Variants in TSHZ2 observed in about 807,000 individuals in gnomAD.
TSHZ2 encodes teashirt zinc finger homeobox 2.
A neutral mutation model predicts 74.4 loss-of-function variants in TSHZ2; 21 were observed. The ratio of observed to expected loss-of-function variants is 0.28; its 90% CI spans 0.20 to 0.41. The LOEUF (loss-of-function observed/expected upper bound fraction) is 0.41. Ranked by LOEUF, TSHZ2 falls within the 10% of genes least tolerant of loss-of-function variation. The probability of loss-of-function intolerance (pLI) is 1.00; values close to 1 mark genes in which losing one functional copy is unlikely to be tolerated. For missense variants in TSHZ2, 1,244 were observed against 1,293.5 expected (o/e 0.96, Z 0.59); for synonymous variants, 540 against 515.3 (o/e 1.05, Z -0.65).
At chr20:52,973,420 C>A in intron 1 of TSHZ2, 87 bp downstream of exon 1, 3 of 1,490,930 alleles carry the variant, frequency 2.0e-6, no homozygotes, top group Non-Finnish European at 2.7e-6. Context: ...GGGGGCACCA[C>A]CCACTTAAGC....
chr20:53,106,391 C>G (rs1196463256), intron 1 of TSHZ2, among the ~76,000 whole-genome samples: 1 of 58,938 alleles, frequency 1.7e-5, no homozygotes, highest in African/African-American at 7.0e-5. Context: ...CTCACACTTT[C>G]TTTTTTTTTT....
At chr20:53,092,691 G>A (rs965411777) in intron 1 of TSHZ2, among the ~76,000 whole-genome samples, 2 of 152,156 alleles carry the variant, frequency 1.3e-5, no homozygotes, top group Non-Finnish European at 1.5e-5. Flanking sequence ...ACATGAGAAC[G>A]GAGTGGGAAA....
chr20:53,285,798 A>T (rs80134574), intron 2 of TSHZ2, among the ~76,000 whole-genome samples: 1 of 152,182 alleles, frequency 6.6e-6, no homozygotes, highest in Non-Finnish European at 1.5e-5. Flanking sequence ...GTTCTGAGCC[A>T]TTAGGGTTAT....
At chr20:53,330,363 G>C (rs144229670) in intron 2 of TSHZ2, among the ~76,000 whole-genome samples, 1 of 152,160 alleles carries the variant, frequency 6.6e-6, no homozygotes, top group Non-Finnish European at 1.5e-5. Context: ...CATTTGAGGT[G>C]ATATGTAGGC....
chr20:53,260,593 C>A (rs1291677025), intron 2 of TSHZ2, among the ~76,000 whole-genome samples: 6 of 152,270 alleles, frequency 3.9e-5, no homozygotes, highest in Non-Finnish European at 8.8e-5. Flanking sequence ...GTCTCAGAGG[C>A]AGTGTTTGGA....
intron 1 of TSHZ2, among the ~76,000 whole-genome samples, chr20:53,070,302 TTA>T: frequency 6.6e-6 from 1 of 152,176 alleles, no homozygotes; most frequent in Non-Finnish European, 1.5e-5. Flanking sequence ...TCCACAAGAT[TTA>T]TCAGTCTTAC....
chr20:53,015,669 G>A (rs1316423060), intron 1 of TSHZ2, among the ~76,000 whole-genome samples: 9 of 152,244 alleles, frequency 5.9e-5, no homozygotes, highest in Non-Finnish European at 1.0e-4. Context: ...GGAGGGTAAT[G>A]TGACTTGGGG....
intron 1 of TSHZ2, among the ~76,000 whole-genome samples, chr20:53,116,932 A>G (rs1179102864): frequency 6.6e-6 from 1 of 152,156 alleles, no homozygotes; most frequent in Non-Finnish European, 1.5e-5. Context: ...GTCTGAAATC[A>G]GAGTGTCAGC....
intron 1 of TSHZ2, among the ~76,000 whole-genome samples, chr20:53,143,515 A>C (rs1209130289): frequency 6.6e-6 from 1 of 152,122 alleles, no homozygotes; most frequent in Non-Finnish European, 1.5e-5. Flanking sequence ...AACACAGTGA[A>C]ACCCCGTCTC....
At chr20:53,057,565 A>G (rs1246015905) in intron 1 of TSHZ2, among the ~76,000 whole-genome samples, 2 of 152,132 alleles carry the variant, frequency 1.3e-5, no homozygotes, top group African/African-American at 2.4e-5. Flanking sequence ...TATTATAATC[A>G]TAACTTCTTT....
intron 2 of TSHZ2, among the ~76,000 whole-genome samples, chr20:53,312,322 C>T (rs560931420): frequency 4.6e-5 from 7 of 152,266 alleles, no homozygotes; most frequent in African/African-American, 1.4e-4. Context: ...GGTAACTAAT[C>T]GCTAACTTGT....
intron 1 of TSHZ2, among the ~76,000 whole-genome samples, chr20:53,251,504 C>G (rs892431263): frequency 2.0e-5 from 3 of 152,144 alleles, no homozygotes; most frequent in African/African-American, 7.2e-5. Flanking sequence ...TACAGTTTTC[C>G]TGCAAGTTGT....
intron 1 of TSHZ2, among the ~76,000 whole-genome samples, chr20:53,037,328 C>T (rs1363565913): frequency 6.6e-6 from 1 of 152,188 alleles, no homozygotes; most frequent in Non-Finnish European, 1.5e-5. Flanking sequence ...ATCCCTAAGT[C>T]AAACTGTGGC....
intron 2 of TSHZ2, among the ~76,000 whole-genome samples, chr20:53,279,476 T>A (rs535112197): frequency 4.6e-5 from 7 of 152,366 alleles, no homozygotes. Context: ...TGAAAGCAGA[T>A]GGCAGGCTGG....
intron 2 of TSHZ2, among the ~76,000 whole-genome samples, chr20:53,375,724 T>C (rs1981635104): frequency 6.6e-6 from 1 of 152,148 alleles, no homozygotes; most frequent in Non-Finnish European, 1.5e-5. Context: ...TAAATTGCCA[T>C]TTGCCCTTTT....
intron 2 of TSHZ2, among the ~76,000 whole-genome samples, chr20:53,346,415 G>A (rs1015938870): frequency 2.0e-5 from 3 of 152,186 alleles, no homozygotes; most frequent in South Asian, 2.1e-4. Context: ...TGAACTTGCC[G>A]GCTGGAATGT....
chr20:53,365,035 A>G (rs762134533), intron 2 of TSHZ2, among the ~76,000 whole-genome samples: 2 of 152,228 alleles, frequency 1.3e-5, no homozygotes, highest in Non-Finnish European at 2.9e-5. Context: ...AAAAGCAACA[A>G]TGCAAGTGTG....
At chr20:53,176,642 A>G (rs1298266481) in intron 1 of TSHZ2, among the ~76,000 whole-genome samples, 1 of 151,862 alleles carries the variant, frequency 6.6e-6, no homozygotes, top group African/African-American at 2.4e-5. Context: ...CAACATTGTT[A>G]TCTCTAAATT....
At chr20:53,080,293 A>C (rs1282406641) in intron 1 of TSHZ2, among the ~76,000 whole-genome samples, 1 of 152,202 alleles carries the variant, frequency 6.6e-6, no homozygotes, top group Non-Finnish European at 1.5e-5. Flanking sequence ...TGCTTCTTAC[A>C]GAGTAGTTTT....
Sources: allele counts gnomAD v4.1 joint callset (sites outside exome capture counted in the v4.1 genomes callset), GRCh38; gene constraint gnomAD v4.1.1; transcripts MANE v1.5; gene names NCBI Gene and HGNC (gene_info 2026-07-23, HGNC 2026-07-21).